The following ACSS2 variants were observed in gnomAD, a reference collection of about 807,000 sequenced individuals.
ACSS2 encodes acetyl-coenzyme A synthetase, cytoplasmic.
In ACSS2, 58 loss-of-function variants were observed where a neutral mutation model predicts 90.6. That is an observed-to-expected ratio of 0.64 (90% CI 0.52 to 0.80). ACSS2 has a LOEUF of 0.80. ACSS2 is among the 30% of genes least tolerant of loss of function. The pLI is 0.00. For missense variants in ACSS2, 759 were observed against 912.0 expected (o/e 0.83, Z 2.16); for synonymous variants, 300 against 330.9 (o/e 0.91, Z 1.01).
chr20:34,891,730 G>T (rs564012274), intron 2 of ACSS2, among the ~76,000 whole-genome samples: 5 of 152,268 alleles, frequency 3.3e-5, no homozygotes, highest in Middle Eastern at 3.4e-3. Flanking sequence ...TCATGTTTAA[G>T]GTGGATTTCT....
chr20:34,921,315 A>G lies in ACSS2; in HGVS notation c.1278-15A>G. On this transcript the variant is annotated splice_polypyrimidine_tract_variant and intron_variant, in intron 10 of 17. Coordinates refer to ENST00000360596, the MANE Select transcript of ACSS2 (RefSeq NM_018677.4). ...AGTACTCAGAGCCTTCCTCTCTCCC[A>G]TTCCCCTGCCCCAGGCATAGCCGGG... is the stretch of plus-strand genomic sequence containing the variant. The G allele has an allele frequency of 6.2e-7, 1 of 1,613,884 alleles. No individual in the cohort carries two copies. The highest frequency in any genetic ancestry group is 8.5e-7 in the Non-Finnish European group (1 of 1,179,966).
Position 34,876,651 on chromosome 20 carries a change from G to T in ACSS2, c.6G>T (p.Gly2=). M[G]LPEERVRSGS... The stretch of plus-strand genomic sequence containing the variant: ...GGTTCTAGGAACTTGACGTGATGGG[G>T]CTTCCTGAGGAGCGGGTCCGGAGCG... Residue 2 remains glycine (G), a synonymous_variant, in exon 1 of 18, where the codon GGG becomes GGT. Transcript: ENST00000360596. 7.3e-7 allele frequency: 1 copy of T among 1,378,336 alleles called. No homozygotes were observed. The highest frequency in any genetic ancestry group is 1.7e-5 in the South Asian group (1 of 58,390). The allele number at this position is 1,378,336 out of a possible 1,614,324, so 85.4% of individuals were successfully genotyped here.
chr20:34,901,473 A>T (rs6060112), intron 2 of ACSS2, among the ~76,000 whole-genome samples: 102,851 of 151,928 alleles, frequency 0.68, 36,686 homozygotes, highest in African/African-American at 0.91. Flanking sequence ...GCCCTTCTTG[A>T]TACTTACTGC....
At chr20:34,906,293 G>C (rs2080801790) in intron 2 of ACSS2, among the ~76,000 whole-genome samples, 1 of 147,912 alleles carries the variant, frequency 6.8e-6, no homozygotes, top group Non-Finnish European at 1.5e-5. Flanking sequence ...CGAGACTGCG[G>C]CACTGCACTC....
Position 34,923,414 on chromosome 20 carries a change from A to G in ACSS2, c.1640A>G (p.Tyr547Cys). ...ETTYFKKFPG[Y>C]YVTGDGCQRD... ...ACCTACTTTAAGAAGTTTCCTGGAT[A>G]CTATGTTACAGGAGATGGTGAGCCT... Residue 547 changes from tyrosine to cysteine, a missense_variant, in exon 14 of 18, where the codon TAC (tyrosine) becomes TGC (cysteine). Physicochemically the swap from Tyr to Cys is radical, Grantham distance 194. Coordinates refer to ENST00000360596, the MANE Select transcript of ACSS2 (RefSeq NM_018677.4). The G allele has an allele frequency of 6.2e-7, 1 of 1,613,458 alleles. No homozygotes were observed. The highest frequency in any genetic ancestry group is 8.5e-7 in the Non-Finnish European group (1 of 1,179,352).
chr20:34,917,860 C>T (rs2081108666), intron 7 of ACSS2, among the ~76,000 whole-genome samples: 1 of 152,138 alleles, frequency 6.6e-6, no homozygotes, highest in Non-Finnish European at 1.5e-5. Context: ...TCAAGTGATT[C>T]TCCTGCCTCA....
At position 34,921,808 on chromosome 20, in the gene ACSS2, C is replaced by T; in HGVS notation, c.1490C>T (p.Ala497Val). ...TAGACTTTCCCATTCTTTGGTGTAG[C>T]TCCTGCAATCCTGAATGAGTCCGGG... is the stretch of plus-strand genomic sequence containing the variant. ...GSATFPFFGV[A>V]PAILNESGEE... Residue 497 changes from alanine (A) to valine (V), a missense_variant, in exon 13 of 18, where the codon GCT becomes GTT. Coordinates refer to ENST00000360596, the MANE Select transcript of ACSS2 (RefSeq NM_018677.4). The T allele has an allele frequency of 6.2e-7, 1 of 1,614,066 alleles. No individual in the cohort carries two copies. Among genetic ancestry groups the T allele is most frequent in the Non-Finnish European group, 8.5e-7 (1 of 1,179,978 alleles).
chr20:34,890,947 CAAA>C (rs5841185), intron 2 of ACSS2, among the ~76,000 whole-genome samples: 6 of 109,862 alleles, frequency 5.5e-5, no homozygotes, highest in Admixed American at 2.0e-4. Context: ...TATTTGAGGC[CAAA>C]AAAAAAAAAA....
intron 16 of ACSS2, among the ~76,000 whole-genome samples, chr20:34,926,502 G>C (rs1600370098): frequency 6.6e-6 from 1 of 152,288 alleles, no homozygotes; most frequent in East Asian, 1.9e-4. Context: ...GCCACCGCTA[G>C]GCTAAGTGCT....
At chr20:34,894,244 C>A (rs892684931) in intron 2 of ACSS2, among the ~76,000 whole-genome samples, 1 of 152,018 alleles carries the variant, frequency 6.6e-6, no homozygotes, top group Non-Finnish European at 1.5e-5. Flanking sequence ...AATCCCAGAA[C>A]TTTGGGAGAC....
intron 2 of ACSS2, among the ~76,000 whole-genome samples, chr20:34,885,242 A>AG (rs1186909524): frequency 1.3e-5 from 2 of 152,154 alleles, no homozygotes; most frequent in Non-Finnish European, 2.9e-5. Flanking sequence ...AAATAAAAAG[A>AG]GGAAAAAAAA....
chr20:34,884,670 T>C (rs1237687535), intron 2 of ACSS2, among the ~76,000 whole-genome samples: 1 of 152,248 alleles, frequency 6.6e-6, no homozygotes, highest in Non-Finnish European at 1.5e-5. Context: ...CTGTTGAGAC[T>C]CTCTTTAGCT....
chr20:34,876,523 C>A, upstream of ACSS2: 1 of 1,179,072 alleles, frequency 8.5e-7, no homozygotes, highest in Non-Finnish European at 1.1e-6. Context: ...CCAGACTAAG[C>A]CACTCCCCCA....
upstream of ACSS2, chr20:34,876,558 G>A (rs1444700050): frequency 2.3e-6 from 3 of 1,276,786 alleles, no homozygotes; most frequent in Non-Finnish European, 3.0e-6. Flanking sequence ...CCCCTCTACG[G>A]AGGCCCCGCC....
chr20:34,905,550 G>A (rs1373070048), intron 2 of ACSS2, among the ~76,000 whole-genome samples: 1 of 152,252 alleles, frequency 6.6e-6, no homozygotes, highest in South Asian at 2.1e-4. Flanking sequence ...GTGAGCCACC[G>A]TGCCTGGCCA....
chr20:34,876,528 CCCCCACTCACCAGGCCCCGCCCCTCTA>C (rs1037024513), upstream of ACSS2: 1 of 1,197,722 alleles, frequency 8.3e-7, no homozygotes, highest in Non-Finnish European at 1.1e-6. Flanking sequence ...CTAAGCCACT[CCCCCACTCACCAGGCCCCGCCCCTCTA>C]CGGAGGCCCC....
At chr20:34,899,622 T>C (rs1380936261) in intron 2 of ACSS2, among the ~76,000 whole-genome samples, 1 of 151,764 alleles carries the variant, frequency 6.6e-6, no homozygotes, top group Non-Finnish European at 1.5e-5. Flanking sequence ...CCCGAGCAGC[T>C]GAGGTACAGG....
At position 34,913,437 on chromosome 20, in the gene ACSS2, C is replaced by G; in HGVS notation, c.511C>G (p.Pro171Ala). Residue 171 changes from proline to alanine, a missense_variant, in exon 4 of 18, where the codon CCA becomes GCA. Coordinates refer to ENST00000360596, the MANE Select transcript of ACSS2 (RefSeq NM_018677.4). ...AGTGGCCATCTACATGCCTATGATC[C>G]CAGAGCTTGTGGTGGCCATGCTGGC... ...DRVAIYMPMI[P>A]ELVVAMLACA... 1 of 1,613,988 alleles carries G rather than the reference C, an allele frequency of 6.2e-7. No individual in the cohort carries two copies. The highest frequency in any genetic ancestry group is 1.3e-5 in the African/African-American group (1 of 74,982).
chr20:34,922,336 GC>G (rs1232420046), intron 13 of ACSS2: 1 of 155,488 alleles, frequency 6.4e-6, no homozygotes, highest in Non-Finnish European at 1.4e-5. Context: ...GGGCACGGTG[GC>G]TCACACCTGT....
Sources: allele counts gnomAD v4.1 joint callset (sites outside exome capture counted in the v4.1 genomes callset), GRCh38; gene constraint gnomAD v4.1.1; transcripts MANE v1.5; gene names NCBI Gene and HGNC (gene_info 2026-07-23, HGNC 2026-07-21).